IL1RAPL1: variants seen among roughly 807,000 people sequenced by gnomAD.
IL1RAPL1 encodes interleukin 1 receptor accessory protein like 1, also known as interleukin-1 receptor accessory protein-like 1.
A neutral mutation model predicts 48.4 loss-of-function variants in IL1RAPL1; 3 were observed. The observed-to-expected ratio is 0.06, with a 90% CI of 0.03 to 0.16. The LOEUF (loss-of-function observed/expected upper bound fraction) is 0.16, where lower values mean the gene tolerates loss of function less well. Among genes scored for constraint, IL1RAPL1 ranks in the 10% least tolerant of loss-of-function variants. IL1RAPL1 has a pLI of 1.00. For synonymous variants in IL1RAPL1, 185 were observed against 187.7 expected (o/e 0.99, Z 0.12); for missense variants, 349 against 530.6 (o/e 0.66, Z 3.36).
At chrX:29,644,630 G>C (rs765950567) in intron 5 of IL1RAPL1, among the ~76,000 whole-genome samples, 13 of 110,014 alleles carry the variant, frequency 1.2e-4, no homozygotes, top group Non-Finnish European at 1.9e-4. Flanking sequence ...GCCGTGGCAT[G>C]ATCTCGGTTC....
chrX:29,713,684 T>A, intron 6 of IL1RAPL1, among the ~76,000 whole-genome samples: 1 of 111,374 alleles, frequency 9.0e-6, no homozygotes, highest in South Asian at 3.8e-4. Context: ...GCTGTTGTTG[T>A]GAAGAGGAGT....
intron 5 of IL1RAPL1, among the ~76,000 whole-genome samples, chrX:29,419,324 AT>A (rs759666742): frequency 7.6e-4 from 80 of 105,411 alleles, no homozygotes; most frequent in African/African-American, 1.7e-3. Flanking sequence ...TACTCAGATA[AT>A]TTTTTTTTTT....
At chrX:28,785,964 A>G (rs934159129) in intron 1 of IL1RAPL1, among the ~76,000 whole-genome samples, 1 of 111,555 alleles carries the variant, frequency 9.0e-6, no homozygotes, top group Non-Finnish European at 1.9e-5. Context: ...AACCATATCC[A>G]GTCTTTCATT....
At chrX:29,285,148 G>A (rs1257411204) in intron 3 of IL1RAPL1, among the ~76,000 whole-genome samples, 1 of 111,231 alleles carries the variant, frequency 9.0e-6, no homozygotes, top group African/African-American at 3.3e-5. Flanking sequence ...GTTCACATTA[G>A]TAATCTGAAT....
intron 2 of IL1RAPL1, among the ~76,000 whole-genome samples, chrX:28,906,787 C>CA (rs761172512): frequency 1.6e-4 from 18 of 111,085 alleles, no homozygotes; most frequent in Non-Finnish European, 3.8e-5. Flanking sequence ...TATCAGAAGA[C>CA]AAAATCACAT....
At chrX:28,974,479 C>T (rs767441136) in intron 2 of IL1RAPL1, among the ~76,000 whole-genome samples, 2 of 111,957 alleles carry the variant, frequency 1.8e-5, no homozygotes, top group Non-Finnish European at 3.8e-5. Flanking sequence ...AAAAATTGAA[C>T]TCCGAGTTTT....
intron 5 of IL1RAPL1, among the ~76,000 whole-genome samples, chrX:29,448,125 G>C (rs1224366690): frequency 1.8e-5 from 2 of 111,706 alleles, no homozygotes; most frequent in Non-Finnish European, 3.8e-5. Context: ...AGTTAATCCT[G>C]TTGGTCATGG....
At chrX:29,776,170 G>A (rs779947495) in intron 6 of IL1RAPL1, among the ~76,000 whole-genome samples, 7 of 111,237 alleles carry the variant, frequency 6.3e-5, no homozygotes, top group South Asian at 3.7e-4. Context: ...AGAATAAGAC[G>A]CGTCAGCTTT....
In IL1RAPL1 at chrX:28,694,496, G is replaced by A. The variant is rs778435493; in HGVS notation, c.-24-94824G>A. Among the ~76,000 whole-genome samples the A allele has an allele frequency of 2.7e-5, 3 of 111,990 alleles. No individual in the cohort carries two copies. The East Asian group carries it at 8.4e-4, about 31-fold the overall frequency. ...TGAAGATTTCACAGGTCAACACATA[G>A]GCAGTGTGAACTGGGGAGCTTTTAG... is the stretch of plus-strand genomic sequence containing the variant. On this transcript the variant is annotated intron_variant, in intron 1 of 10. Transcript: ENST00000378993.
intron 2 of IL1RAPL1, among the ~76,000 whole-genome samples, chrX:28,810,143 G>A (rs948152360): frequency 2.4e-4 from 27 of 110,243 alleles, no homozygotes; most frequent in Admixed American, 7.8e-4. Context: ...GCTTTGTCAA[G>A]GAGTCTGCAG....
intron 5 of IL1RAPL1, among the ~76,000 whole-genome samples, chrX:29,457,468 C>T (rs1368774717): frequency 9.0e-6 from 1 of 111,487 alleles, no homozygotes; most frequent in Non-Finnish European, 1.9e-5. Context: ...CATTAATTCA[C>T]TTAGGATAGT....
intron 6 of IL1RAPL1, among the ~76,000 whole-genome samples, chrX:29,732,159 G>C (rs1172135524): frequency 8.9e-6 from 1 of 111,857 alleles, no homozygotes; most frequent in Non-Finnish European, 1.9e-5. Flanking sequence ...GCCTAAATAG[G>C]CTTAAATAAC....
At chrX:28,844,844 AAAGAG>A (rs1921467142) in intron 2 of IL1RAPL1, among the ~76,000 whole-genome samples, 1 of 111,777 alleles carries the variant, frequency 8.9e-6, no homozygotes, top group Admixed American at 9.5e-5. Context: ...TTCCTTTAGA[AAAGAG>A]AAATGCAGTT....
chrX:28,770,977 T>C (rs1186647437), intron 1 of IL1RAPL1, among the ~76,000 whole-genome samples: 2 of 112,082 alleles, frequency 1.8e-5, no homozygotes, highest in Non-Finnish European at 3.8e-5. Flanking sequence ...ATGATAGGTA[T>C]AGAGAAAATA....
At chrX:28,771,937 CAAAAAAAAA>C (rs5901904) in intron 1 of IL1RAPL1, among the ~76,000 whole-genome samples, 4 of 42,008 alleles carry the variant, frequency 9.5e-5, no homozygotes, top group African/African-American at 3.6e-4. Flanking sequence ...GACTCCGTCT[CAAAAAAAAA>C]AAAAAAAAAA....
chrX:28,933,733 G>A (rs1923944484), intron 2 of IL1RAPL1, among the ~76,000 whole-genome samples: 1 of 111,198 alleles, frequency 9.0e-6, no homozygotes, highest in African/African-American at 3.3e-5. Context: ...GGCATGGGCT[G>A]CTTGACTGAG....
chrX:29,642,506 G>T (rs1338644472), intron 5 of IL1RAPL1, among the ~76,000 whole-genome samples: 1 of 112,400 alleles, frequency 8.9e-6, no homozygotes, highest in Non-Finnish European at 1.9e-5. Context: ...ATAATTACCT[G>T]TCCTTTTCAT....
intron 6 of IL1RAPL1, among the ~76,000 whole-genome samples, chrX:29,800,830 CAAAAAAAAA>C (rs368811843): frequency 2.7e-5 from 1 of 36,368 alleles, no homozygotes; most frequent in African/African-American, 1.2e-4. Context: ...ACTAAAAATA[CAAAAAAAAA>C]AAAAAAAAAA....
At chrX:28,978,766 C>T (rs1288945572) in intron 2 of IL1RAPL1, among the ~76,000 whole-genome samples, 2 of 111,704 alleles carry the variant, frequency 1.8e-5, no homozygotes, top group Non-Finnish European at 3.8e-5. Flanking sequence ...TAAGATTTAT[C>T]AAGTGGGCAC....
Sources: allele counts gnomAD v4.1 joint callset (sites outside exome capture counted in the v4.1 genomes callset), GRCh38; gene constraint gnomAD v4.1.1; transcripts MANE v1.5; gene names NCBI Gene and HGNC (gene_info 2026-07-23, HGNC 2026-07-21).